The following PTPRO variants were observed in gnomAD, a reference collection of about 807,000 sequenced individuals.
The protein encoded by PTPRO is receptor-type tyrosine-protein phosphatase O.
PTPRO carries 62 observed loss-of-function variants against 145.2 expected under a neutral mutation model. The ratio of observed to expected loss-of-function variants is 0.43; its 90% CI spans 0.35 to 0.53. The LOEUF (loss-of-function observed/expected upper bound fraction) is 0.53, where lower values mean the gene tolerates loss of function less well. Among genes scored for constraint, PTPRO ranks in the 20% least tolerant of loss-of-function variants. PTPRO has a pLI of 0.01. For synonymous variants in PTPRO, 565 were observed against 514.7 expected (o/e 1.10, Z -1.32); for missense variants, 1,345 against 1,482.7 (o/e 0.91, Z 1.53).
intron 1 of PTPRO, among the ~76,000 whole-genome samples, chr12:15,351,952 T>C (rs927242649): frequency 3.9e-5 from 6 of 152,206 alleles, no homozygotes; most frequent in African/African-American, 1.4e-4. Flanking sequence ...GTGGATGCTC[T>C]TCACACCAAG....
At chr12:15,561,428 T>C (rs1263598811) in intron 17 of PTPRO, among the ~76,000 whole-genome samples, 1 of 152,034 alleles carries the variant, frequency 6.6e-6, no homozygotes, top group African/African-American at 2.4e-5. Context: ...AAAATAGAGA[T>C]TGTTAATTCC....
chr12:15,470,850 A>G (rs1216409921), intron 1 of PTPRO, among the ~76,000 whole-genome samples: 1 of 152,232 alleles, frequency 6.6e-6, no homozygotes, highest in Non-Finnish European at 1.5e-5. Flanking sequence ...AAGGAATTCA[A>G]GGGCTATAAC....
intron 9 of PTPRO, among the ~76,000 whole-genome samples, chr12:15,519,429 T>G (rs1278164839): frequency 1.3e-5 from 2 of 152,160 alleles, no homozygotes; most frequent in African/African-American, 4.8e-5. Flanking sequence ...GGGATTCTCT[T>G]TTGTTTTGAG....
At chr12:15,359,886 C>G (rs775859546) in intron 1 of PTPRO, among the ~76,000 whole-genome samples, 2 of 152,144 alleles carry the variant, frequency 1.3e-5, no homozygotes, top group Non-Finnish European at 2.9e-5. Context: ...TTATCTTGAA[C>G]AGCCCACTCA....
intron 1 of PTPRO, among the ~76,000 whole-genome samples, chr12:15,435,991 A>G (rs562253720): frequency 1.2e-4 from 19 of 152,316 alleles, no homozygotes; most frequent in African/African-American, 4.6e-4. Flanking sequence ...CAATATGTTC[A>G]TCATGGAAAC....
At chr12:15,330,421 T>C (rs1866574729) in intron 1 of PTPRO, among the ~76,000 whole-genome samples, 1 of 152,128 alleles carries the variant, frequency 6.6e-6, no homozygotes, top group Non-Finnish European at 1.5e-5. Context: ...TGCTGGACAG[T>C]CTACTCTCGA....
intron 1 of PTPRO, among the ~76,000 whole-genome samples, chr12:15,470,155 T>C (rs253824): frequency 0.021 from 3,189 of 152,270 alleles, 119 homozygotes; most frequent in East Asian, 0.14. Context: ...GCTGAGGGAA[T>C]TTGCCACCAA....
chr12:15,561,306 A>G (rs552834293), intron 17 of PTPRO, among the ~76,000 whole-genome samples: 1 of 152,230 alleles, frequency 6.6e-6, no homozygotes, highest in South Asian at 2.1e-4. Flanking sequence ...TTATTTATTC[A>G]AAAAGACAAT....
At chr12:15,390,749 A>G (rs1218444295) in intron 1 of PTPRO, among the ~76,000 whole-genome samples, 1 of 145,942 alleles carries the variant, frequency 6.9e-6, no homozygotes, top group African/African-American at 2.5e-5. Context: ...TTAGCACAGC[A>G]GTGGCTGGGT....
At chr12:15,407,044 T>C (rs1939666849) in intron 1 of PTPRO, among the ~76,000 whole-genome samples, 2 of 152,196 alleles carry the variant, frequency 1.3e-5, no homozygotes, top group African/African-American at 4.8e-5. Context: ...ATTTGTTCTT[T>C]GCAATATTTA....
rs11611715 is a variant in PTPRO at position 15,508,340 on chromosome 12, G to A, written c.1268-231G>A. Among the ~76,000 whole-genome samples, 45,391 of 152,012 alleles carry A rather than the reference G, an allele frequency of 0.3. 7,485 individuals are homozygous for A. Among genetic ancestry groups the A allele is most frequent in the Non-Finnish European group, 0.38 (25,809 of 67,956 alleles). Reference sequence around the variant, plus strand: ...TCACATGCACACGATGATTGAAGTGGCACTTTTGTTTCTGCTGTTATTGCC... The same window carrying A: ...TCACATGCACACGATGATTGAAGTGACACTTTTGTTTCTGCTGTTATTGCC... On this transcript the variant is annotated intron_variant, in intron 6 of 26. Transcript: ENST00000281171.
intron 10 of PTPRO, among the ~76,000 whole-genome samples, chr12:15,522,961 C>T (rs895664680): frequency 4.6e-5 from 7 of 151,990 alleles, no homozygotes; most frequent in East Asian, 3.9e-4. Context: ...TTGTATATGA[C>T]GAAATATGTT....
intron 21 of PTPRO, 78 bp from the exon 22 acceptor site, chr12:15,580,619 T>A: frequency 6.3e-7 from 1 of 1,592,826 alleles, no homozygotes; most frequent in Non-Finnish European, 8.6e-7. Flanking sequence ...AGTTTTCAGT[T>A]TTTTTCCCAT....
intron 1 of PTPRO, among the ~76,000 whole-genome samples, chr12:15,414,775 G>A (rs1939899977): frequency 6.6e-6 from 1 of 152,140 alleles, no homozygotes; most frequent in Non-Finnish European, 1.5e-5. Flanking sequence ...TAGACTAATT[G>A]TTTATTTTAA....
rs377010052 is a variant in PTPRO at position 15,569,361 on chromosome 12, A to G, written c.2748-56A>G. ...AGAAGTATGATATTAAACAATATAT[A>G]ATACCTATCAACAAGAATTTTAAAA... On this transcript the variant is annotated intron_variant, in intron 18 of 26. Transcript: ENST00000281171. 1.5e-3 allele frequency: 2,012 copies of G among 1,363,620 alleles called. 2 individuals are homozygous for G. Among genetic ancestry groups the G allele is most frequent in the Admixed American group, 1.9e-3 (110 of 59,444 alleles). 84.5% of individuals were successfully genotyped at this position (1,363,620 alleles called of 1,614,324 possible).
intron 1 of PTPRO, among the ~76,000 whole-genome samples, chr12:15,353,243 G>A (rs896809880): frequency 1.3e-5 from 2 of 151,872 alleles, no homozygotes; most frequent in Admixed American, 6.6e-5. Flanking sequence ...ACACACGTAA[G>A]AGGACTTCAA....
chr12:15,485,731 G>A (rs946968581), intron 2 of PTPRO, among the ~76,000 whole-genome samples: 3 of 152,120 alleles, frequency 2.0e-5, no homozygotes, highest in African/African-American at 7.2e-5. Flanking sequence ...AAATTTGATA[G>A]GTAAGCAATG....
intron 1 of PTPRO, among the ~76,000 whole-genome samples, chr12:15,461,189 C>G (rs1003756515): frequency 6.6e-6 from 1 of 152,148 alleles, no homozygotes; most frequent in East Asian, 1.9e-4. Flanking sequence ...TATCTTAACC[C>G]AGACATTTCT....
intron 6 of PTPRO, among the ~76,000 whole-genome samples, chr12:15,506,173 C>T (rs1260520511): frequency 6.6e-6 from 1 of 152,184 alleles, no homozygotes; most frequent in East Asian, 1.9e-4. Flanking sequence ...CCAACCTCCA[C>T]CCTCTGTGCC....
Sources: allele counts gnomAD v4.1 joint callset (sites outside exome capture counted in the v4.1 genomes callset), GRCh38; gene constraint gnomAD v4.1.1; transcripts MANE v1.5; gene names NCBI Gene and HGNC (gene_info 2026-07-23, HGNC 2026-07-21).